The following TNKS variants were observed in gnomAD, a reference collection of about 807,000 sequenced individuals.
TNKS encodes poly [ADP-ribose] polymerase tankyrase-1.
TNKS carries 72 observed loss-of-function variants against 135.8 expected under a neutral mutation model. The observed-to-expected ratio is 0.53, with a 90% CI of 0.44 to 0.64. The LOEUF (loss-of-function observed/expected upper bound fraction) is 0.64. Among genes scored for constraint, TNKS ranks in the 30% least tolerant of loss-of-function variants. TNKS has a pLI of 0.00. For synonymous variants in TNKS, 849 were observed against 649.3 expected (o/e 1.31, Z -4.68); for missense variants, 1,769 against 1,674.0 (o/e 1.06, Z -0.99).
chr8:9,710,313 A>G, intron 11 of TNKS, 93 bp downstream of exon 11: 1 of 1,200,658 alleles, frequency 8.3e-7, no homozygotes, highest in Non-Finnish European at 1.2e-6. Flanking sequence ...TTCTGAAGAA[A>G]CTAATTTTAT....
chr8:9,660,824 A>T (rs555840426), intron 3 of TNKS, among the ~76,000 whole-genome samples: 106 of 152,286 alleles, frequency 7.0e-4, no homozygotes, highest in Middle Eastern at 3.4e-3. Flanking sequence ...ACATGATTGT[A>T]TATCTAGAAA....
intron 26 of TNKS, 120 bp from the exon 27 acceptor site, chr8:9,776,529 GA>G (rs1244367243): frequency 3.7e-6 from 3 of 817,066 alleles, no homozygotes; most frequent in Non-Finnish European, 5.9e-6. Flanking sequence ...CACCTATTAA[GA>G]AACTGAGTCT....
intron 26 of TNKS, among the ~76,000 whole-genome samples, chr8:9,776,203 C>A (rs1398308974): frequency 6.6e-6 from 1 of 152,178 alleles, no homozygotes; most frequent in Non-Finnish European, 1.5e-5. Context: ...TACATCTCAC[C>A]CTTACTCCTT....
At chr8:9,678,191 C>G (rs1802626139) in intron 3 of TNKS, among the ~76,000 whole-genome samples, 2 of 152,310 alleles carry the variant, frequency 1.3e-5, no homozygotes, top group East Asian at 1.9e-4. Context: ...GAAATTAATA[C>G]ATTTTATAGA....
Position 9,698,374 on chromosome 8 carries a change from G to GAAAAAAAAAAAAAAAA in TNKS, c.1108-6287_1108-6272dup, listed in dbSNP as rs34311181. On this transcript the variant is annotated intron_variant, in intron 5 of 26. Transcript: ENST00000310430. ...GTATCTAAAAGTTAAATTTTAAAAT[G>GAAAAAAAAAAAAAAAA]AAAAAAAAAAAAAAAAAGCTTAAGT... 1.1e-4 allele frequency among the ~76,000 whole-genome samples: 11 copies of GAAAAAAAAAAAAAAAA among 98,764 alleles called. 1 individual carries two copies. Among genetic ancestry groups the GAAAAAAAAAAAAAAAA allele is most frequent in the South Asian group, 3.9e-4 (1 of 2,596 alleles). The allele number at this position is 98,764 out of a possible 152,430, so 64.8% of individuals were successfully genotyped here. A position where few individuals can be genotyped will look rare whatever the true frequency, so the allele number is the denominator to read the frequency against.
intron 3 of TNKS, among the ~76,000 whole-genome samples, chr8:9,676,704 G>GTGTGTT (rs1346911322): frequency 4.0e-5 from 6 of 151,622 alleles, no homozygotes; most frequent in Non-Finnish European, 8.8e-5. Context: ...GTGTGTGTGT[G>GTGTGTT]TGTGTGTTTG....
At chr8:9,683,690 T>A (rs80263559) in intron 5 of TNKS, among the ~76,000 whole-genome samples, 1 of 151,812 alleles carries the variant, frequency 6.6e-6, no homozygotes, top group African/African-American at 2.4e-5. Context: ...GGTTTTTTTT[T>A]AATGTAATAT....
intron 15 of TNKS, among the ~76,000 whole-genome samples, 186 bp downstream of exon 15, chr8:9,733,630 A>G (rs555965365): frequency 3.3e-5 from 5 of 152,324 alleles, no homozygotes; most frequent in African/African-American, 1.2e-4. Context: ...CCTAAAGTGA[A>G]TATCTGAAAT....
At chr8:9,618,552 G>C (rs1036380846) in intron 3 of TNKS, among the ~76,000 whole-genome samples, 10 of 152,190 alleles carry the variant, frequency 6.6e-5, no homozygotes, top group African/African-American at 2.4e-4. Context: ...GAAGGACTTG[G>C]AGGTATTTAG....
intron 5 of TNKS, among the ~76,000 whole-genome samples, chr8:9,697,896 C>G (rs1803592920): frequency 1.3e-5 from 2 of 152,134 alleles, no homozygotes; most frequent in South Asian, 2.1e-4. Flanking sequence ...AATCCCATTA[C>G]TAGATCTATA....
chr8:9,629,105 T>A (rs1800181708), intron 3 of TNKS, among the ~76,000 whole-genome samples: 1 of 152,182 alleles, frequency 6.6e-6, no homozygotes, highest in Admixed American at 6.5e-5. Context: ...CAACGTGTAG[T>A]CTGTAGGCTG....
chr8:9,757,654 T>C (rs1444331455), intron 20 of TNKS, among the ~76,000 whole-genome samples: 1 of 152,180 alleles, frequency 6.6e-6, no homozygotes, highest in East Asian at 1.9e-4. Context: ...TCCAAGACAT[T>C]GACCCACTTT....
At chr8:9,615,542 A>G (rs1353168613) in intron 2 of TNKS, 40 bp from the exon 3 acceptor site, 1 of 1,536,548 alleles carries the variant, frequency 6.5e-7, no homozygotes, top group East Asian at 2.3e-5. Flanking sequence ...TAATCTCTGT[A>G]TCCCCGAGGT....
In TNKS at chr8:9,751,637, A is replaced by G. The variant is rs776287557; in HGVS notation, c.2861A>G (p.Asp954Gly). 6.2e-7 allele frequency: 1 copy of G among 1,614,152 alleles called. No individual in the cohort carries two copies. Among genetic ancestry groups the G allele is most frequent in the Non-Finnish European group, 8.5e-7 (1 of 1,180,014 alleles). Reference protein sequence around the residue: ...TADDIRALLIDAMPPEALPTC... With the variant: ...TADDIRALLIGAMPPEALPTC... ...GACGATATCAGAGCTTTGCTGATAGATGCCATGCCCCCAGAGGCCTTACCT... is the reference window on the plus strand; with the variant it reads ...GACGATATCAGAGCTTTGCTGATAGGTGCCATGCCCCCAGAGGCCTTACCT... Residue 954 changes from aspartate (D) to glycine (G), a missense_variant, in exon 19 of 27, where the codon GAT becomes GGT. Asp to Gly is a moderately conservative substitution (Grantham distance 94). This residue lies in a region of TNKS where 722 missense variants were observed against 688.9 expected (regional missense o/e 1.05). Transcript: ENST00000310430.
intron 11 of TNKS, among the ~76,000 whole-genome samples, chr8:9,714,411 T>C (rs1410620329): frequency 6.6e-6 from 1 of 152,132 alleles, no homozygotes; most frequent in Non-Finnish European, 1.5e-5. Context: ...TTTTGGTTAT[T>C]TGTGAATATG....
chr8:9,654,709 G>C (rs913661369), intron 3 of TNKS, among the ~76,000 whole-genome samples: 1 of 152,186 alleles, frequency 6.6e-6, no homozygotes, highest in Non-Finnish European at 1.5e-5. Context: ...TGTGTTCTTA[G>C]ATTCCTGTGT....
intron 14 of TNKS, among the ~76,000 whole-genome samples, chr8:9,732,441 C>T (rs1166442740): frequency 2.6e-5 from 4 of 152,222 alleles, no homozygotes; most frequent in Middle Eastern, 3.4e-3. Context: ...TAGGCCTCAT[C>T]GAACCATTAT....
At chr8:9,684,403 G>C (rs1375911792) in intron 5 of TNKS, among the ~76,000 whole-genome samples, 1 of 151,864 alleles carries the variant, frequency 6.6e-6, no homozygotes, top group East Asian at 1.9e-4. Context: ...ATAAATATTT[G>C]AATAAAATTA....
At chr8:9,634,391 A>C (rs1800424639) in intron 3 of TNKS, among the ~76,000 whole-genome samples, 1 of 152,228 alleles carries the variant, frequency 6.6e-6, no homozygotes, top group Non-Finnish European at 1.5e-5. Context: ...TAATCTAAGT[A>C]ACTTTTGAAC....
Sources: gnomAD v4.1 joint callset for allele counts (sites outside exome capture counted in the v4.1 genomes callset) on GRCh38, gnomAD v4.1.1 for gene constraint, gnomAD v4.1.1 regional missense constraint, MANE v1.5 for transcripts, NCBI Gene and HGNC (gene_info 2026-07-23, HGNC 2026-07-21) for gene names.